Variants in NCKAP5 observed in about 807,000 individuals in gnomAD.
NCKAP5 encodes nck-associated protein 5.
In NCKAP5, 92 loss-of-function variants were observed where a neutral mutation model predicts 167.0. The observed-to-expected ratio is 0.55, with a 90% confidence interval of 0.47 to 0.66. The LOEUF is 0.66. Among genes scored for constraint, NCKAP5 ranks in the 30% least tolerant of loss-of-function variants. The pLI is 0.00. For synonymous variants in NCKAP5, 891 were observed against 877.4 expected (o/e 1.02, Z -0.27); for missense variants, 2,378 against 2,315.0 (o/e 1.03, Z -0.56).
At chr2:133,658,104 AC>A in the NCKAP5 span, among the ~76,000 whole-genome samples, 1 of 124,758 alleles carries the variant, frequency 8.0e-6, no homozygotes, top group Non-Finnish European at 1.7e-5. Context: ...ACCCCCAACG[AC>A]CCCCACCCCC....
intron 19 of NCKAP5, among the ~76,000 whole-genome samples, chr2:132,711,591 T>C (rs72987768): frequency 0.024 from 3,597 of 152,292 alleles, 122 homozygotes; most frequent in African/African-American, 0.082. Flanking sequence ...CATCAAATAC[T>C]GAGTTACGTA....
chr2:133,606,074 T>C, the NCKAP5 span, among the ~76,000 whole-genome samples: 2 of 152,204 alleles, frequency 1.3e-5, no homozygotes, highest in East Asian at 1.9e-4. Context: ...GAAAAGGCTG[T>C]AGTTCTCACC....
intron 3 of NCKAP5, among the ~76,000 whole-genome samples, chr2:133,498,880 A>G (rs1468377342): frequency 6.6e-6 from 1 of 152,146 alleles, no homozygotes; most frequent in African/African-American, 2.4e-5. Context: ...AAGCTTTAAT[A>G]CTCATTATCT....
chr2:133,601,073 G>A, the NCKAP5 span, among the ~76,000 whole-genome samples: 3 of 152,124 alleles, frequency 2.0e-5, no homozygotes, highest in South Asian at 2.1e-4. Flanking sequence ...TCTTTACGGC[G>A]CCTTGTCCTG....
Position 132,701,897 on chromosome 2 carries a change from C to A in NCKAP5, c.5713+23730G>T, listed in dbSNP as rs1182720279. ...GGTTCCCAGAGGCAACCGGATGGAA[C>A]CTGGAATCTAACCTAGATTTTCATT... On this transcript the variant is annotated intron_variant, in intron 19 of 19. Coordinates refer to ENST00000409261, the MANE Select transcript of NCKAP5 (RefSeq NM_207363.3). 1.3e-5 allele frequency among the ~76,000 whole-genome samples: 2 copies of A among 152,094 alleles called. 1 individual carries two copies.
At chr2:132,921,439 A>G (rs1022550289) in intron 8 of NCKAP5, among the ~76,000 whole-genome samples, 11 of 152,218 alleles carry the variant, frequency 7.2e-5, no homozygotes, top group South Asian at 6.2e-4. Context: ...GGATAGCTCA[A>G]TATAACATCC....
chr2:133,304,488 G>A (rs1391971948), intron 3 of NCKAP5, among the ~76,000 whole-genome samples: 1 of 152,126 alleles, frequency 6.6e-6, no homozygotes, highest in Non-Finnish European at 1.5e-5. Context: ...CAAGACCACT[G>A]GGAATGTTAA....
chr2:132,795,270 T>C (rs902218988), intron 12 of NCKAP5, among the ~76,000 whole-genome samples: 3 of 152,162 alleles, frequency 2.0e-5, no homozygotes, highest in Non-Finnish European at 4.4e-5. Flanking sequence ...CAGAACCCCA[T>C]GAATCCCAGT....
At chr2:132,898,866 G>T (rs1693408470) in intron 8 of NCKAP5, among the ~76,000 whole-genome samples, 1 of 152,200 alleles carries the variant, frequency 6.6e-6, no homozygotes, top group Admixed American at 6.5e-5. Flanking sequence ...GACAGGCAGA[G>T]TATGTTTAGC....
chr2:133,120,026 T>C (rs977691887), intron 6 of NCKAP5, among the ~76,000 whole-genome samples: 4 of 152,088 alleles, frequency 2.6e-5, no homozygotes, highest in Non-Finnish European at 5.9e-5. Context: ...AAAATGCTTA[T>C]TATAAAACAC....
chr2:133,240,991 G>C (rs1273901669), intron 4 of NCKAP5, among the ~76,000 whole-genome samples: 2 of 152,152 alleles, frequency 1.3e-5, no homozygotes, highest in Non-Finnish European at 2.9e-5. Flanking sequence ...AAAGAATCAT[G>C]AGTTTCCAAG....
At chr2:132,901,562 C>T (rs1693631421) in intron 8 of NCKAP5, among the ~76,000 whole-genome samples, 1 of 152,020 alleles carries the variant, frequency 6.6e-6, no homozygotes, top group Non-Finnish European at 1.5e-5. Context: ...AACGTTTCAC[C>T]CATGGGTGGA....
At chr2:132,989,721 C>T (rs2149295205) in intron 7 of NCKAP5, among the ~76,000 whole-genome samples, 1 of 152,262 alleles carries the variant, frequency 6.6e-6, no homozygotes, top group South Asian at 2.1e-4. Context: ...CTACTTTCCA[C>T]CACACCATCA....
At chr2:133,185,485 T>TC (rs1271428072) in intron 5 of NCKAP5, among the ~76,000 whole-genome samples, 3 of 152,064 alleles carry the variant, frequency 2.0e-5, no homozygotes, top group Admixed American at 2.0e-4. Context: ...CAGTTTTTTT[T>TC]TCTATTTCTG....
At chr2:133,187,021 T>G (rs2084975145) in intron 5 of NCKAP5, among the ~76,000 whole-genome samples, 2 of 151,872 alleles carry the variant, frequency 1.3e-5, no homozygotes, top group South Asian at 4.1e-4. Flanking sequence ...TGTTCCTCTT[T>G]CCTAGTTTCC....
At chr2:132,730,700 G>T (rs565882815) in intron 17 of NCKAP5, among the ~76,000 whole-genome samples, 1 of 152,304 alleles carries the variant, frequency 6.6e-6, no homozygotes, top group Admixed American at 6.5e-5. Context: ...GACTATTCAG[G>T]CATGGAGTAC....
chr2:133,648,026 A>C, the NCKAP5 span, among the ~76,000 whole-genome samples: 1 of 152,310 alleles, frequency 6.6e-6, no homozygotes, highest in Non-Finnish European at 1.5e-5. Flanking sequence ...ACATAGGCTG[A>C]AAGTCAAATG....
rs1237971966 is a variant in NCKAP5, at chr2:133,218,323, ACT to A, written c.144-4546_144-4545del. Reference sequence around the variant, plus strand: ...AATGATACTGCTTTAGAATTTTGCAACTCTCTTTAACGTCTGGCTTAATAGAA... The same window carrying A: ...AATGATACTGCTTTAGAATTTTGCAACTCTTTAACGTCTGGCTTAATAGAA... On this transcript the variant is annotated intron_variant, in intron 4 of 19. Coordinates refer to ENST00000409261, the MANE Select transcript of NCKAP5 (RefSeq NM_207363.3). Among the ~76,000 whole-genome samples, 4 of 152,090 alleles carry A rather than the reference ACT, an allele frequency of 2.6e-5. No homozygotes were observed. The East Asian group carries it at 7.8e-4, about 29-fold the overall frequency.
chr2:133,655,162 G>A, the NCKAP5 span, among the ~76,000 whole-genome samples: 1 of 152,126 alleles, frequency 6.6e-6, no homozygotes, highest in African/African-American at 2.4e-5. Flanking sequence ...TCAATATTTT[G>A]AGTGATTGCA....
Sources: gnomAD v4.1 joint callset for allele counts (sites outside exome capture counted in the v4.1 genomes callset) on GRCh38, gnomAD v4.1.1 for gene constraint, MANE v1.5 for transcripts, NCBI Gene and HGNC (gene_info 2026-07-23, HGNC 2026-07-21) for gene names.